Variants in IMPG2 observed in about 807,000 individuals in gnomAD.
The protein encoded by IMPG2 is IPM 200.
In IMPG2, 91 loss-of-function variants were observed where a neutral mutation model predicts 129.2. The ratio of observed to expected loss-of-function variants is 0.70; its 90% confidence interval spans 0.59 to 0.84. The LOEUF (loss-of-function observed/expected upper bound fraction) is 0.84. Ranked by LOEUF, IMPG2 falls within the 40% of genes least tolerant of loss-of-function variation. The probability of loss-of-function intolerance (pLI) is 0.00; values close to 1 mark genes in which losing one functional copy is unlikely to be tolerated. For synonymous variants in IMPG2, 510 were observed against 517.7 expected, an observed-to-expected ratio of 0.99 and a Z score of 0.20; for missense variants, 1,430 against 1,461.7, an observed-to-expected ratio of 0.98 and a Z score of 0.35.
chr3:101,274,577 C>G (rs986811207), intron 6 of IMPG2, among the ~76,000 whole-genome samples: 2 of 152,160 alleles, frequency 1.3e-5, no homozygotes, highest in Non-Finnish European at 2.9e-5. Context: ...AGAGCTACAG[C>G]AAACTAATTT....
chr3:101,226,811 C>G lies in IMPG2; in HGVS notation c.*158G>C. 1.4e-6 allele frequency: 1 copy of G among 690,718 alleles called. No homozygotes were observed. The allele number at this position is 690,718 out of a possible 1,614,324, so 42.8% of individuals were successfully genotyped here. A position where few individuals can be genotyped will look rare whatever the true frequency, so the allele number is the denominator to read the frequency against. ...AACATCTCTTACTACATTCTGAAAA[C>G]TTAAGCTGAAAAAAAAACAGTGTGC... On this transcript the variant is annotated 3_prime_UTR_variant, in exon 19 of 19. Coordinates refer to ENST00000193391, the MANE Select transcript of IMPG2 (RefSeq NM_016247.4).
At chr3:101,297,202 C>A (rs1707089167) in intron 3 of IMPG2, among the ~76,000 whole-genome samples, 1 of 152,192 alleles carries the variant, frequency 6.6e-6, no homozygotes, top group Admixed American at 6.5e-5. Context: ...GCCACCACGC[C>A]CGGCCGGCAG....
chr3:101,267,414 A>G, intron 9 of IMPG2, 97 bp downstream of exon 9: 1 of 1,019,456 alleles, frequency 9.8e-7, no homozygotes, highest in Non-Finnish European at 1.5e-6. Context: ...TGGAAGTGAT[A>G]TAATATTTGA....
intron 4 of IMPG2, among the ~76,000 whole-genome samples, chr3:101,284,565 C>CA (rs59576034): frequency 0.72 from 108,315 of 150,992 alleles, 39,838 homozygotes; most frequent in East Asian, 0.82. Flanking sequence ...ATATGAACAA[C>CA]AAAAAAAAAC....
chr3:101,304,322 A>G lies in IMPG2; in HGVS notation c.335-10T>C. On this transcript the variant is annotated splice_polypyrimidine_tract_variant and intron_variant, in intron 2 of 18. Coordinates refer to ENST00000193391, the MANE Select transcript of IMPG2 (RefSeq NM_016247.4). Reference sequence around the variant, plus strand: ...ACAGCTTCCTGACACACTAGAAAATAGAGAGGTGTTTTTTTACAAAAAGCT... The same window carrying G: ...ACAGCTTCCTGACACACTAGAAAATGGAGAGGTGTTTTTTTACAAAAAGCT... 1 of 1,613,386 alleles carries G rather than the reference A, an allele frequency of 6.2e-7. No individual in the cohort carries two copies. The highest frequency in any genetic ancestry group is 8.5e-7 in the Non-Finnish European group (1 of 1,179,348).
At chr3:101,267,484 G>C in intron 9 of IMPG2, 27 bp downstream of exon 9, 1 of 1,601,026 alleles carries the variant, frequency 6.2e-7, no homozygotes, top group Non-Finnish European at 8.6e-7. Context: ...CAATTCAATG[G>C]ACATTAGAGA....
intron 9 of IMPG2, among the ~76,000 whole-genome samples, chr3:101,267,287 C>A (rs1352078285): frequency 6.6e-6 from 1 of 152,220 alleles, no homozygotes; most frequent in Non-Finnish European, 1.5e-5. Flanking sequence ...CTGATAGTGG[C>A]AGAATTGAGT....
chr3:101,241,455 A>T (rs1428674025), intron 14 of IMPG2, among the ~76,000 whole-genome samples: 1 of 152,176 alleles, frequency 6.6e-6, no homozygotes, highest in South Asian at 2.1e-4. Flanking sequence ...GGTTAGTTAC[A>T]TTGGATATCG....
intron 2 of IMPG2, among the ~76,000 whole-genome samples, chr3:101,319,049 T>G (rs2058798055): frequency 6.6e-6 from 1 of 152,040 alleles, no homozygotes; most frequent in African/African-American, 2.4e-5. Flanking sequence ...ATATAATAAC[T>G]ATTAATAAAT....
At chr3:101,231,213 C>A in intron 15 of IMPG2, 68 bp from the exon 16 acceptor site, 1 of 1,441,564 alleles carries the variant, frequency 6.9e-7, no homozygotes, top group South Asian at 1.1e-5. Context: ...AACAGCAGAA[C>A]CTTCTGAGGG....
chr3:101,250,215 A>G (rs1388660280), intron 11 of IMPG2, among the ~76,000 whole-genome samples: 2 of 152,184 alleles, frequency 1.3e-5, no homozygotes, highest in Non-Finnish European at 2.9e-5. Flanking sequence ...GCTGGTTCAT[A>G]TTTCTGCCTA....
chr3:101,266,649 C>A (rs1706722968), intron 9 of IMPG2, among the ~76,000 whole-genome samples: 1 of 152,130 alleles, frequency 6.6e-6, no homozygotes, highest in African/African-American at 2.4e-5. Flanking sequence ...CTGCAAAATT[C>A]CAGAGATTAT....
chr3:101,236,471 G>C (rs1225109488), intron 14 of IMPG2, among the ~76,000 whole-genome samples: 2 of 152,106 alleles, frequency 1.3e-5, no homozygotes, highest in African/African-American at 4.8e-5. Context: ...GCAGAAGGTG[G>C]GTGATTTCTG....
At chr3:101,271,586 T>G (rs1171450520) in intron 7 of IMPG2, among the ~76,000 whole-genome samples, 1 of 152,166 alleles carries the variant, frequency 6.6e-6, no homozygotes, top group Non-Finnish European at 1.5e-5. Context: ...TTGGCCAAGG[T>G]CACACATTTG....
chr3:101,264,063 A>G (rs1706697398), intron 9 of IMPG2, among the ~76,000 whole-genome samples: 1 of 151,978 alleles, frequency 6.6e-6, no homozygotes, highest in South Asian at 2.1e-4. Flanking sequence ...CAAACCAACA[A>G]CAAATAACAA....
In IMPG2 at chr3:101,305,738, A is replaced by G. The variant is rs114077334; in HGVS notation, c.335-1426T>C. On this transcript the variant is annotated intron_variant, in intron 2 of 18. Transcript: ENST00000193391. ...TTAAAATGATATTCAGGAGAAATAT[A>G]TTGCTGTATTATAATAAAAACTAAT... is the stretch of plus-strand genomic sequence containing the variant. 5.9e-3 allele frequency among the ~76,000 whole-genome samples: 898 copies of G among 152,292 alleles called. 6 individuals are homozygous for G. Among genetic ancestry groups the G allele is most frequent in the African/African-American group, 0.021 (864 of 41,572 alleles).
chr3:101,294,881 T>C (rs1367119063), intron 3 of IMPG2, among the ~76,000 whole-genome samples: 1 of 152,258 alleles, frequency 6.6e-6, no homozygotes, highest in Admixed American at 6.5e-5. Context: ...GTTGGCTGCA[T>C]AAATGTCTTC....
At chr3:101,247,625 G>T (rs1197644285) in intron 11 of IMPG2, among the ~76,000 whole-genome samples, 3 of 151,802 alleles carry the variant, frequency 2.0e-5, no homozygotes, top group African/African-American at 7.3e-5. Context: ...GTAGGTATTT[G>T]AATAACATGG....
intron 14 of IMPG2, among the ~76,000 whole-genome samples, chr3:101,235,946 T>C (rs887375257): frequency 6.6e-6 from 1 of 152,154 alleles, no homozygotes; most frequent in Non-Finnish European, 1.5e-5. Flanking sequence ...CAGTAAGAGA[T>C]GCCCTTGAGA....
Sources: allele counts gnomAD v4.1 joint callset (sites outside exome capture counted in the v4.1 genomes callset), GRCh38; gene constraint gnomAD v4.1.1; transcripts MANE v1.5; gene names NCBI Gene and HGNC (gene_info 2026-07-23, HGNC 2026-07-21).